The following CSMD1 variants were observed in gnomAD, a reference collection of about 807,000 sequenced individuals.
The protein encoded by CSMD1 is CUB and sushi domain-containing protein 1.
In CSMD1, 213 loss-of-function variants were observed where a neutral mutation model predicts 417.5. That is an observed-to-expected ratio of 0.51 (90% CI 0.46 to 0.57). The LOEUF (loss-of-function observed/expected upper bound fraction) is 0.57. Among genes scored for constraint, CSMD1 ranks in the 20% least tolerant of loss-of-function variants. The probability of loss-of-function intolerance (pLI) is 0.00; values close to 1 mark genes in which losing one functional copy is unlikely to be tolerated. For synonymous variants in CSMD1, 2,862 were observed against 1,736.8 expected (o/e 1.65, Z -16.11); for missense variants, 6,923 against 4,529.7 (o/e 1.53, Z -15.17).
intron 2 of CSMD1, among the ~76,000 whole-genome samples, chr8:4,504,589 C>G (rs1236118075): frequency 6.6e-6 from 1 of 152,076 alleles, no homozygotes; most frequent in Non-Finnish European, 1.5e-5. Context: ...AGGTTTTAAG[C>G]CTCGCATGCA....
At position 3,117,507 on chromosome 8, in the gene CSMD1, C is replaced by T. The variant is rs114311309; in HGVS notation, c.6430+892G>A. ...AAGTGCTTAGCATTTCAAAGGTCCA[C>T]GGAGTTGGTAATTTCATTATTTTTT... On this transcript the variant is annotated intron_variant, in intron 42 of 69. Coordinates refer to ENST00000635120, the MANE Select transcript of CSMD1 (RefSeq NM_033225.6). 2.9e-3 allele frequency among the ~76,000 whole-genome samples: 441 copies of T among 152,198 alleles called. 3 individuals carry two copies. Among genetic ancestry groups the T allele is most frequent in the African/African-American group, 0.01 (424 of 41,518 alleles).
chr8:3,195,766 C>A (rs1365797050), intron 33 of CSMD1, among the ~76,000 whole-genome samples: 3 of 152,024 alleles, frequency 2.0e-5, no homozygotes, highest in African/African-American at 7.2e-5. Context: ...CTGCTTGATG[C>A]CAAAAAGCAA....
At chr8:3,381,430 C>G (rs1810619089) in intron 18 of CSMD1, among the ~76,000 whole-genome samples, 1 of 152,094 alleles carries the variant, frequency 6.6e-6, no homozygotes, top group African/African-American at 2.4e-5. Flanking sequence ...ATTATTGATA[C>G]AATTAACTTA....
chr8:3,957,866 GAGCC>G (rs1812069064), intron 5 of CSMD1, among the ~76,000 whole-genome samples: 1 of 152,192 alleles, frequency 6.6e-6, no homozygotes, highest in Non-Finnish European at 1.5e-5. Flanking sequence ...GGCACATTTG[GAGCC>G]GATGTGGGGC....
At chr8:4,432,621 G>C (rs1797931822) in intron 2 of CSMD1, among the ~76,000 whole-genome samples, 1 of 152,106 alleles carries the variant, frequency 6.6e-6, no homozygotes, top group South Asian at 2.1e-4. Flanking sequence ...CGAAGCCTCA[G>C]AGATCCTTAA....
intron 3 of CSMD1, among the ~76,000 whole-genome samples, chr8:4,198,123 G>T (rs1052303220): frequency 6.6e-6 from 1 of 152,234 alleles, no homozygotes; most frequent in Admixed American, 6.5e-5. Flanking sequence ...ACGGGAGAAG[G>T]TTCTTTGAGT....
intron 1 of CSMD1, among the ~76,000 whole-genome samples, chr8:4,804,471 T>TA (rs1183857255): frequency 1.3e-5 from 2 of 148,660 alleles, no homozygotes; most frequent in African/African-American, 5.0e-5. Flanking sequence ...TTTTTTTTTT[T>TA]ATTTAAAAAG....
rs376680114 is a variant in CSMD1, at chr8:3,543,852, T to G, written c.1344+31093A>C. On this transcript the variant is annotated intron_variant, in intron 10 of 69. Transcript: ENST00000635120. ...TAGAGGTTAGCAGATGGATTGTATT[T>G]GAAGCTGCAGGATCAGAGTCAGGAC... 2.0e-4 allele frequency among the ~76,000 whole-genome samples: 30 copies of G among 152,278 alleles called. No individual in the cohort carries two copies. The East Asian group carries it at 3.3e-3, about 17-fold the overall frequency.
chr8:4,412,342 GAA>G (rs1796696309), intron 3 of CSMD1, among the ~76,000 whole-genome samples: 1 of 150,950 alleles, frequency 6.6e-6, no homozygotes, highest in Non-Finnish European at 1.5e-5. Flanking sequence ...AAATTGAACT[GAA>G]AAGTGTGTGG....
At chr8:3,553,698 T>C (rs1044187236) in intron 10 of CSMD1, among the ~76,000 whole-genome samples, 1 of 152,232 alleles carries the variant, frequency 6.6e-6, no homozygotes, top group Non-Finnish European at 1.5e-5. Context: ...AGTAGGTCCA[T>C]AGTTACAAAT....
At chr8:4,684,404 C>A (rs1421061436) in intron 1 of CSMD1, among the ~76,000 whole-genome samples, 1 of 152,154 alleles carries the variant, frequency 6.6e-6, no homozygotes, top group African/African-American at 2.4e-5. Flanking sequence ...TCAATACTTT[C>A]CAAACCTTAA....
chr8:4,304,036 T>C lies in CSMD1; in HGVS notation c.415+115917A>G, dbSNP rs189566151. Among the ~76,000 whole-genome samples the C allele has an allele frequency of 3.7e-3, 559 of 152,224 alleles. 4 individuals carry two copies. Among genetic ancestry groups the C allele is most frequent in the South Asian group, 0.021 (101 of 4,824 alleles). Reference sequence around the variant, plus strand: ...GTCCATAAAAGAACCAAGAAAGCAGTGATGAGAGAACCAGGGGATCACAAA... The same window carrying C: ...GTCCATAAAAGAACCAAGAAAGCAGCGATGAGAGAACCAGGGGATCACAAA... On this transcript the variant is annotated intron_variant, in intron 3 of 69. Transcript: ENST00000635120.
intron 3 of CSMD1, among the ~76,000 whole-genome samples, chr8:4,119,118 A>C (rs1181997413): frequency 1.3e-5 from 2 of 152,154 alleles, no homozygotes; most frequent in African/African-American, 4.8e-5. Flanking sequence ...AAGGGAGATC[A>C]TTAGGGAACG....
chr8:4,175,716 C>T (rs1347060131), intron 3 of CSMD1, among the ~76,000 whole-genome samples: 1 of 151,936 alleles, frequency 6.6e-6, no homozygotes, highest in Non-Finnish European at 1.5e-5. Flanking sequence ...ATTTTATTGT[C>T]CAAGAGAATG....
At chr8:3,540,432 G>A (rs962180495) in intron 10 of CSMD1, among the ~76,000 whole-genome samples, 3 of 152,044 alleles carry the variant, frequency 2.0e-5, no homozygotes, top group Non-Finnish European at 4.4e-5. Flanking sequence ...AAAAACCCTA[G>A]AATAAAATCA....
intron 7 of CSMD1, among the ~76,000 whole-genome samples, chr8:3,642,875 T>C (rs1437835427): frequency 6.6e-6 from 1 of 151,856 alleles, no homozygotes; most frequent in Non-Finnish European, 1.5e-5. Flanking sequence ...TATACATATA[T>C]ATAGATTATA....
At chr8:3,613,393 C>A in intron 8 of CSMD1, 2 of 221,208 alleles carry the variant, frequency 9.0e-6, no homozygotes, top group Admixed American at 5.7e-5. Context: ...GAGAAGAGAA[C>A]ATTTTTCAAT....
At chr8:4,375,734 G>A (rs987391949) in intron 3 of CSMD1, among the ~76,000 whole-genome samples, 8 of 152,026 alleles carry the variant, frequency 5.3e-5, no homozygotes, top group Non-Finnish European at 1.0e-4. Flanking sequence ...CTCACTTCCC[G>A]ACTGCCTGCA....
At chr8:3,984,867 G>C (rs903587189) in intron 5 of CSMD1, among the ~76,000 whole-genome samples, 19 of 151,222 alleles carry the variant, frequency 1.3e-4, no homozygotes, top group East Asian at 7.8e-4. Context: ...GAAATGAAGA[G>C]AAAGTTTGAA....
Sources: allele counts gnomAD v4.1 joint callset (sites outside exome capture counted in the v4.1 genomes callset), GRCh38; gene constraint gnomAD v4.1.1; transcripts MANE v1.5; gene names NCBI Gene and HGNC (gene_info 2026-07-23, HGNC 2026-07-21).